Variants in GPR158 observed in about 807,000 individuals in gnomAD.
GPR158 encodes the protein G protein-coupled receptor 158.
In GPR158, 30 loss-of-function variants were observed where a neutral mutation model predicts 78.2. The observed-to-expected ratio is 0.38, with a 90% CI of 0.29 to 0.52. The LOEUF (loss-of-function observed/expected upper bound fraction) is 0.52, where lower values mean the gene tolerates loss of function less well. GPR158 is among the 20% of genes least tolerant of loss of function. The pLI, the probability that GPR158 is intolerant of heterozygous loss-of-function variation, is 0.83. For synonymous variants in GPR158, 581 were observed against 591.1 expected (o/e 0.98, Z 0.25); for missense variants, 1,463 against 1,523.5 (o/e 0.96, Z 0.66).
intron 4 of GPR158, among the ~76,000 whole-genome samples, chr10:25,438,249 G>T (rs147536121): frequency 1.1e-4 from 17 of 152,302 alleles, no homozygotes; most frequent in African/African-American, 3.8e-4. Context: ...TGTCACTGTG[G>T]GGAAAGGAGG....
At chr10:25,451,668 T>C (rs988014631) in intron 4 of GPR158, among the ~76,000 whole-genome samples, 7 of 152,204 alleles carry the variant, frequency 4.6e-5, no homozygotes, top group African/African-American at 1.7e-4. Context: ...TTTGGCCATA[T>C]ATTTTTTTTA....
At chr10:25,570,083 G>A (rs562257663) in intron 6 of GPR158, among the ~76,000 whole-genome samples, 5 of 152,176 alleles carry the variant, frequency 3.3e-5, no homozygotes, top group African/African-American at 9.6e-5. Flanking sequence ...AATTCATCCA[G>A]GTTCAACCAG....
At chr10:25,252,848 C>G (rs1245047081) in intron 2 of GPR158, among the ~76,000 whole-genome samples, 9 of 150,942 alleles carry the variant, frequency 6.0e-5, no homozygotes, top group Admixed American at 1.3e-4. Context: ...CCACCCAGTT[C>G]GAGCTTCCTG....
At chr10:25,494,722 C>A (rs1835855672) in intron 5 of GPR158, among the ~76,000 whole-genome samples, 1 of 151,986 alleles carries the variant, frequency 6.6e-6, no homozygotes, top group Non-Finnish European at 1.5e-5. Flanking sequence ...CAGCAAAGTT[C>A]TTTGGATGTG....
At chr10:25,544,950 A>G (rs1836642537) in intron 5 of GPR158, among the ~76,000 whole-genome samples, 1 of 152,166 alleles carries the variant, frequency 6.6e-6, no homozygotes, top group African/African-American at 2.4e-5. Flanking sequence ...ATGTGAGAAC[A>G]TGCAGTGTTT....
At chr10:25,524,542 T>G (rs1046463903) in intron 5 of GPR158, among the ~76,000 whole-genome samples, 6 of 152,190 alleles carry the variant, frequency 3.9e-5, no homozygotes, top group African/African-American at 1.4e-4. Context: ...GGGGAAAGAA[T>G]AGTCTTTTGA....
chr10:25,176,971 C>G lies in GPR158; in HGVS notation c.902+649C>G, dbSNP rs967448573. Among the ~76,000 whole-genome samples, 3 of 152,140 alleles carry G rather than the reference C, an allele frequency of 2.0e-5. No homozygotes were observed. Among genetic ancestry groups the G allele is most frequent in the Non-Finnish European group, 2.9e-5 (2 of 68,028 alleles). On this transcript the variant is annotated intron_variant, in intron 1 of 10. Transcript: ENST00000376351. This position sits in a 1 kb window ranked among gnomAD's most constrained non-coding sequence, Gnocchi z 6.3. ...TCAGGGTGCTCCTTCTACCGGTCTC[C>G]CCTCTCCCCGCAATTGATCTTTCCT...
At chr10:25,269,870 C>G (rs1482070604) in intron 2 of GPR158, among the ~76,000 whole-genome samples, 2 of 152,084 alleles carry the variant, frequency 1.3e-5, no homozygotes, top group African/African-American at 4.8e-5. Flanking sequence ...CCCATGGTAC[C>G]ACGCAGTTTG....
At chr10:25,465,996 C>T (rs1156594515) in intron 4 of GPR158, among the ~76,000 whole-genome samples, 1 of 152,136 alleles carries the variant, frequency 6.6e-6, no homozygotes, top group Non-Finnish European at 1.5e-5. Flanking sequence ...GGAGTTTAAG[C>T]TCTAGCTGCA....
intron 4 of GPR158, among the ~76,000 whole-genome samples, chr10:25,458,660 C>G (rs1835321017): frequency 6.6e-6 from 1 of 152,218 alleles, no homozygotes; most frequent in African/African-American, 2.4e-5. Flanking sequence ...CATTATGACT[C>G]CCATCTTATA....
chr10:25,195,027 CCAAATTT>C (rs1477612227), intron 1 of GPR158, among the ~76,000 whole-genome samples: 1 of 152,004 alleles, frequency 6.6e-6, no homozygotes, highest in Non-Finnish European at 1.5e-5. Context: ...TAAGAATCTT[CCAAATTT>C]CAAAGTCCAG....
intron 6 of GPR158, among the ~76,000 whole-genome samples, chr10:25,556,318 C>A (rs1836785970): frequency 6.6e-6 from 1 of 152,168 alleles, no homozygotes; most frequent in Admixed American, 6.5e-5. Flanking sequence ...GTCATGACCC[C>A]AAGGGTTTTA....
chr10:25,467,048 T>A (rs1190088267), intron 5 of GPR158, among the ~76,000 whole-genome samples: 1 of 152,040 alleles, frequency 6.6e-6, no homozygotes, highest in Non-Finnish European at 1.5e-5. Flanking sequence ...GTGGTTGGGG[T>A]GCAGCGTGGT....
intron 5 of GPR158, among the ~76,000 whole-genome samples, chr10:25,539,393 C>T (rs1020176405): frequency 6.6e-6 from 1 of 152,100 alleles, no homozygotes; most frequent in African/African-American, 2.4e-5. Flanking sequence ...AGAATGAGGC[C>T]TGTGGTGTTT....
intron 8 of GPR158, among the ~76,000 whole-genome samples, chr10:25,590,170 A>T (rs969057453): frequency 1.3e-5 from 2 of 152,164 alleles, no homozygotes; most frequent in African/African-American, 4.8e-5. Context: ...GTGATCTTGC[A>T]TCTTTAGAAA....
At chr10:25,329,222 G>A (rs1855082819) in intron 2 of GPR158, among the ~76,000 whole-genome samples, 1 of 151,972 alleles carries the variant, frequency 6.6e-6, no homozygotes, top group Admixed American at 6.6e-5. Flanking sequence ...AGATCACGAG[G>A]TCAGGAGATT....
At chr10:25,201,815 G>C (rs560711860) in intron 1 of GPR158, among the ~76,000 whole-genome samples, 10 of 151,952 alleles carry the variant, frequency 6.6e-5, no homozygotes, top group Non-Finnish European at 1.5e-4. Context: ...TGCAACCCAG[G>C]GAGAAAGCCT....
intron 5 of GPR158, among the ~76,000 whole-genome samples, chr10:25,477,472 A>T (rs1835604215): frequency 6.6e-6 from 1 of 152,084 alleles, no homozygotes; most frequent in Admixed American, 6.6e-5. Context: ...CATTCCCTCA[A>T]CCCTGCAATC....
chr10:25,287,565 A>G (rs1298483474), intron 2 of GPR158, among the ~76,000 whole-genome samples: 1 of 152,066 alleles, frequency 6.6e-6, no homozygotes. Context: ...GGCTCGTTGT[A>G]TGTGGTTCTC....
Sources: allele counts gnomAD v4.1 joint callset (sites outside exome capture counted in the v4.1 genomes callset), GRCh38; gene constraint gnomAD v4.1.1; non-coding constraint Gnocchi (gnomAD v3.1); transcripts MANE v1.5; gene names NCBI Gene and HGNC (gene_info 2026-07-23, HGNC 2026-07-21).